Variants in FLNB observed in about 807,000 individuals in gnomAD.
FLNB encodes the protein filamin B.
A neutral mutation model predicts 250.6 loss-of-function variants in FLNB; 111 were observed. The ratio of observed to expected loss-of-function variants is 0.44; its 90% CI spans 0.38 to 0.52. The LOEUF (loss-of-function observed/expected upper bound fraction) is 0.52. Among genes scored for constraint, FLNB ranks in the 20% least tolerant of loss-of-function variants. The probability of loss-of-function intolerance (pLI) is 0.00; values close to 1 mark genes in which losing one functional copy is unlikely to be tolerated. For missense variants in FLNB, 2,869 were observed against 3,447.8 expected, an observed-to-expected ratio of 0.83 and a Z score of 4.20; for synonymous variants, 1,302 against 1,372.1, an observed-to-expected ratio of 0.95 and a Z score of 1.13.
rs1491012160 is a variant in FLNB at position 58,100,599 on chromosome 3, TTG to T, written c.1346-1602_1346-1601del. On this transcript the variant is annotated intron_variant, in intron 8 of 45. Transcript: ENST00000295956. ...TTTCTTTTTCTTTTTCTTTTTTTTT[TTG>T]TTTTGTTTTGTTTTGAGACAGAGTC... 6.0e-3 allele frequency among the ~76,000 whole-genome samples: 837 copies of T among 138,968 alleles called. 26 individuals carry two copies. Among genetic ancestry groups the T allele is most frequent in the East Asian group, 0.05 (232 of 4,680 alleles). The allele number at this position is 138,968 out of a possible 152,430, so 91.2% of individuals were successfully genotyped here.
At position 58,171,164 on chromosome 3, in the gene FLNB, G is replaced by A; in HGVS notation, c.*402G>A. ...AGGGGAAGATGGGCAGAGAAAAAGG[G>A]GACACCTAGTTTGGTTGTCATTTGG... On this transcript the variant is annotated 3_prime_UTR_variant, in exon 46 of 46. Transcript: ENST00000295956. This position sits in a 1 kb window ranked among gnomAD's most constrained non-coding sequence, Gnocchi z 5.5. The A allele has an allele frequency of 4.4e-6, 1 of 226,396 alleles. No individual in the cohort carries two copies. The highest frequency in any genetic ancestry group is 8.8e-6 in the Non-Finnish European group (1 of 113,978). 14.0% of individuals were successfully genotyped at this position (226,396 alleles called of 1,614,324 possible). A position where few individuals can be genotyped will look rare whatever the true frequency, so the allele number is the denominator to read the frequency against.
chr3:58,067,949 A>G (rs1210233956), intron 1 of FLNB, among the ~76,000 whole-genome samples: 1 of 152,130 alleles, frequency 6.6e-6, no homozygotes, highest in Non-Finnish European at 1.5e-5. Context: ...TTCGGTCTTC[A>G]GGTTGGCAGG....
At chr3:58,091,135 C>T (rs1459291257) in intron 4 of FLNB, among the ~76,000 whole-genome samples, 1 of 151,838 alleles carries the variant, frequency 6.6e-6, no homozygotes, top group East Asian at 1.9e-4. Context: ...AATTGTCATT[C>T]AGGTTTGATG....
intron 41 of FLNB, among the ~76,000 whole-genome samples, chr3:58,156,318 G>A (rs557391922): frequency 6.6e-6 from 1 of 152,352 alleles, no homozygotes; most frequent in South Asian, 2.1e-4. Flanking sequence ...AATGTTTGGG[G>A]ACACGTTTGT....
intron 1 of FLNB, among the ~76,000 whole-genome samples, chr3:58,073,371 G>T (rs190971427): frequency 3.9e-5 from 6 of 152,174 alleles, no homozygotes; most frequent in Admixed American, 3.3e-4. Context: ...AGGACTTCCA[G>T]CTCAGGAAAT....
At chr3:58,070,036 T>A (rs2097191709) in intron 1 of FLNB, among the ~76,000 whole-genome samples, 1 of 135,548 alleles carries the variant, frequency 7.4e-6, no homozygotes. Context: ...GCATTGTGCT[T>A]GACTCTTTCT....
Position 58,091,126 on chromosome 3 carries a change from A to G in FLNB, c.788-3710A>G, listed in dbSNP as rs141905843. Reference sequence around the variant, plus strand: ...TAGTAAAGATACCACCTCTCCTCAAATTGTCATTCAGGTTTGATGCAATTG... The same window carrying G: ...TAGTAAAGATACCACCTCTCCTCAAGTTGTCATTCAGGTTTGATGCAATTG... On this transcript the variant is annotated intron_variant, in intron 4 of 45. Coordinates refer to ENST00000295956, the MANE Select transcript of FLNB (RefSeq NM_001457.4). Among the ~76,000 whole-genome samples the G allele has an allele frequency of 5.7e-3, 875 of 152,282 alleles. 11 individuals are homozygous for G. The highest frequency in any genetic ancestry group is 0.02 in the African/African-American group (824 of 41,552).
chr3:58,086,840 C>A (rs1305144453), intron 4 of FLNB, among the ~76,000 whole-genome samples: 2 of 152,202 alleles, frequency 1.3e-5, no homozygotes, highest in Non-Finnish European at 2.9e-5. Flanking sequence ...GATAGCTGGG[C>A]ATGGTGGCTC....
chr3:58,078,531 T>C, intron 2 of FLNB, 186 bp from the exon 3 acceptor site: 1 of 1,536,480 alleles, frequency 6.5e-7, no homozygotes, highest in Non-Finnish European at 8.7e-7. Flanking sequence ...TAATGGAGGA[T>C]AGTTTACACC....
rs868781210 is a variant in FLNB, at chr3:58,143,925, C to T, written c.5425+312C>T. Among the ~76,000 whole-genome samples, 6 of 152,064 alleles carry T rather than the reference C, an allele frequency of 3.9e-5. No homozygotes were observed. The South Asian group carries it at 1.2e-3, about 32-fold the overall frequency. On this transcript the variant is annotated intron_variant, in intron 32 of 45. Coordinates refer to ENST00000295956, the MANE Select transcript of FLNB (RefSeq NM_001457.4). ...AATGGGAGGCATGGTGAGGGACTTT[C>T]CAGCCTGGCCTGCAGAGCCCTGTGT...
In FLNB at chr3:58,145,955, C is replaced by T; in HGVS notation, c.5460C>T (p.Asn1820=). 6.2e-7 allele frequency: 1 copy of T among 1,614,176 alleles called. No homozygotes were observed. Among genetic ancestry groups the T allele is most frequent in the Non-Finnish European group, 8.5e-7 (1 of 1,180,022 alleles). ...TCCAGTTCTACGTGAACTACCCCAA[C>T]AGTGGAAGTGTTTCTGCATACGGTC... The part of the protein sequence containing the change: ...SPLQFYVNYP[N]SGSVSAYGPG... Residue 1820 remains asparagine, a synonymous_variant, in exon 33 of 46, where the codon AAC becomes AAT. Coordinates refer to ENST00000295956, the MANE Select transcript of FLNB (RefSeq NM_001457.4).
Position 58,154,897 on chromosome 3 carries a change from G to A in FLNB, c.6741G>A (p.Ser2247=), listed in dbSNP as rs143400214. The A allele has an allele frequency of 1.8e-3, 2,883 of 1,614,030 alleles. 5 individuals are homozygous for A. Among genetic ancestry groups the A allele is most frequent in the Middle Eastern group, 3.0e-3 (18 of 6,062 alleles). Residue 2247 remains serine, a synonymous_variant, in exon 40 of 46, where the codon TCG becomes TCA. Coordinates refer to ENST00000295956, the MANE Select transcript of FLNB (RefSeq NM_001457.4). The stretch of plus-strand genomic sequence containing the variant: ...CATTCGATGACCATAAAAATGGGTC[G>A]TGCGGTGTATCTTATATTGCCCAAG... ...EITFDDHKNG[S]CGVSYIAQEP...
intron 31 of FLNB, 50 bp from the exon 32 acceptor site, chr3:58,143,423 G>A (rs1432024235): frequency 1.2e-6 from 2 of 1,609,922 alleles, no homozygotes; most frequent in Non-Finnish European, 8.5e-7. Flanking sequence ...CTGCTTCTCT[G>A]GGGAAGGTTG....
chr3:58,103,008 C>T (rs2097253563), intron 9 of FLNB, among the ~76,000 whole-genome samples: 1 of 152,158 alleles, frequency 6.6e-6, no homozygotes, highest in Non-Finnish European at 1.5e-5. Context: ...TCGGGTGTAG[C>T]AGCCTTTGGT....
chr3:58,160,781 G>A (rs554450040), intron 42 of FLNB, among the ~76,000 whole-genome samples: 1 of 151,952 alleles, frequency 6.6e-6, no homozygotes, highest in South Asian at 2.1e-4. Flanking sequence ...AGGAGTTTGG[G>A]ACCAACCTGG....
chr3:58,016,142 C>T (rs146738953), intron 1 of FLNB, among the ~76,000 whole-genome samples: 2 of 151,506 alleles, frequency 1.3e-5, no homozygotes, highest in African/African-American at 2.4e-5. Context: ...TCACTGCAGC[C>T]TCCATCTCCC....
intron 18 of FLNB, among the ~76,000 whole-genome samples, chr3:58,114,677 C>T (rs2097274763): frequency 6.6e-6 from 1 of 151,544 alleles, no homozygotes; most frequent in Admixed American, 6.6e-5. Flanking sequence ...CTGGTTTCTC[C>T]ACATCCTTGC....
intron 6 of FLNB, among the ~76,000 whole-genome samples, chr3:58,096,611 C>T (rs149294227): frequency 1.6e-3 from 245 of 152,230 alleles, no homozygotes; most frequent in African/African-American, 5.5e-3. Context: ...TGGGCTCAAG[C>T]GATCCTCTCA....
At chr3:58,009,523 A>G (rs2097095341) in intron 1 of FLNB, among the ~76,000 whole-genome samples, 1 of 152,150 alleles carries the variant, frequency 6.6e-6, no homozygotes, top group Non-Finnish European at 1.5e-5. Flanking sequence ...TGCCGAAGTT[A>G]TAATTTAGAG....
Sources: allele counts gnomAD v4.1 joint callset (sites outside exome capture counted in the v4.1 genomes callset), GRCh38; gene constraint gnomAD v4.1.1; non-coding constraint Gnocchi (gnomAD v3.1); transcripts MANE v1.5; gene names NCBI Gene and HGNC (gene_info 2026-07-23, HGNC 2026-07-21).